PHF21A: variants seen among roughly 807,000 people sequenced by gnomAD.
The protein encoded by PHF21A is BHC80a.
In PHF21A, 11 loss-of-function variants were observed where a neutral mutation model predicts 82.5. The ratio of observed to expected loss-of-function variants is 0.13; its 90% CI spans 0.08 to 0.22. The LOEUF (loss-of-function observed/expected upper bound fraction) is 0.22, where lower values mean the gene tolerates loss of function less well. Ranked by LOEUF, PHF21A falls within the 10% of genes least tolerant of loss-of-function variation. The pLI is 1.00. For missense variants in PHF21A, 579 were observed against 837.8 expected (o/e 0.69, Z 3.81); for synonymous variants, 297 against 302.8 (o/e 0.98, Z 0.20).
intron 6 of PHF21A, among the ~76,000 whole-genome samples, chr11:46,001,739 C>T (rs1197898683): frequency 2.0e-5 from 3 of 152,068 alleles, no homozygotes; most frequent in Non-Finnish European, 4.4e-5. Context: ...CAATAAGAAA[C>T]CTTTCTGTTC....
At chr11:46,084,916 G>A (rs925281834) in intron 3 of PHF21A, among the ~76,000 whole-genome samples, 7 of 151,940 alleles carry the variant, frequency 4.6e-5, no homozygotes, top group East Asian at 1.9e-4. Context: ...TCCTGACCTC[G>A]TGATCCACCC....
At chr11:45,970,794 T>TG (rs1361331329) in intron 8 of PHF21A, 1 of 279,900 alleles carries the variant, frequency 3.6e-6, no homozygotes, top group African/African-American at 2.1e-5. Flanking sequence ...AGGAAAACAC[T>TG]GTAGAGAGAG....
intron 14 of PHF21A, among the ~76,000 whole-genome samples, chr11:45,948,655 CCT>C (rs1341102265): frequency 1.3e-5 from 2 of 152,220 alleles, no homozygotes; most frequent in South Asian, 4.1e-4. Context: ...AAGCCATTCC[CCT>C]GAGTCAGCTT....
chr11:46,045,422 G>A lies in PHF21A; in HGVS notation c.153+31332C>T, dbSNP rs536673336. On this transcript the variant is annotated intron_variant, in intron 6 of 18. Coordinates refer to ENST00000676320, the MANE Select transcript of PHF21A (RefSeq NM_001352027.3). ...TTGCTGAGGGGAGTTGGGAAAGGTAGAGAAAGAACAGAGAGGTTGTCTGAT... is the reference window on the plus strand; with the variant it reads ...TTGCTGAGGGGAGTTGGGAAAGGTAAAGAAAGAACAGAGAGGTTGTCTGAT... 1.2e-3 allele frequency among the ~76,000 whole-genome samples: 189 copies of A among 152,276 alleles called. 1 individual carries two copies. Among genetic ancestry groups the A allele is most frequent in the African/African-American group, 4.2e-3 (176 of 41,550 alleles).
intron 6 of PHF21A, among the ~76,000 whole-genome samples, chr11:46,017,090 C>A (rs938278476): frequency 2.6e-5 from 4 of 152,080 alleles, no homozygotes; most frequent in African/African-American, 9.7e-5. Context: ...CCTGCCTCAG[C>A]CTCCTGAGTT....
At chr11:46,062,331 T>G (rs746251313) in intron 6 of PHF21A, among the ~76,000 whole-genome samples, 4 of 152,170 alleles carry the variant, frequency 2.6e-5, no homozygotes, top group Admixed American at 1.3e-4. Flanking sequence ...GAACTTTTAT[T>G]AGCCAGGCAT....
chr11:46,094,847 C>T (rs1436464467), intron 1 of PHF21A, among the ~76,000 whole-genome samples: 1 of 152,150 alleles, frequency 6.6e-6, no homozygotes, highest in Admixed American at 6.6e-5. Context: ...CTGCAGTGAA[C>T]TGAGATCGCG....
At chr11:46,106,827 G>A (rs1265976242) in intron 1 of PHF21A, among the ~76,000 whole-genome samples, 2 of 152,168 alleles carry the variant, frequency 1.3e-5, no homozygotes, top group Non-Finnish European at 2.9e-5. Context: ...TTTCCCTTTT[G>A]GTCAACTCTG....
chr11:45,991,269 C>G (rs1229405967), intron 6 of PHF21A, among the ~76,000 whole-genome samples: 1 of 151,224 alleles, frequency 6.6e-6, no homozygotes. Context: ...ACAGTAGTAC[C>G]TTGATTTTTT....
At chr11:45,943,798 CCAA>C (rs1200901645) in intron 15 of PHF21A, among the ~76,000 whole-genome samples, 1 of 152,114 alleles carries the variant, frequency 6.6e-6, no homozygotes. Context: ...GTTAACATCA[CCAA>C]CAACAGAAGA....
Position 46,050,654 on chromosome 11 carries a change from A to G in PHF21A, c.153+26100T>C, listed in dbSNP as rs140667299. On this transcript the variant is annotated intron_variant, in intron 6 of 18. Coordinates refer to ENST00000676320, the MANE Select transcript of PHF21A (RefSeq NM_001352027.3). Reference sequence around the variant, plus strand: ...ACTATTAAGCACAATGTTCAAGAGCATAGTCCAAGATCCTGAAACTATAAT... The same window carrying G: ...ACTATTAAGCACAATGTTCAAGAGCGTAGTCCAAGATCCTGAAACTATAAT... Among the ~76,000 whole-genome samples, 31 of 152,368 alleles carry G rather than the reference A, an allele frequency of 2.0e-4. No individual in the cohort carries two copies. In the East Asian group the frequency reaches 6.0e-3, roughly 29 times the overall value.
intron 6 of PHF21A, among the ~76,000 whole-genome samples, chr11:45,998,148 G>A (rs925149080): frequency 3.3e-5 from 5 of 152,162 alleles, no homozygotes; most frequent in African/African-American, 7.2e-5. Context: ...CATTCTAGTC[G>A]TCTTTGTTTT....
intron 1 of PHF21A, among the ~76,000 whole-genome samples, chr11:46,098,477 T>TA (rs2097035523): frequency 6.6e-6 from 1 of 152,196 alleles, no homozygotes. Flanking sequence ...AACCATTTTT[T>TA]ATGGTTGAGA....
chr11:46,102,546 T>C (rs946913444), intron 1 of PHF21A, among the ~76,000 whole-genome samples: 3 of 152,240 alleles, frequency 2.0e-5, no homozygotes, highest in African/African-American at 7.2e-5. Context: ...TTCCATTTTT[T>C]AATTCTCCAA....
chr11:46,071,069 T>C (rs1353035808), intron 6 of PHF21A, among the ~76,000 whole-genome samples: 2 of 152,248 alleles, frequency 1.3e-5, no homozygotes, highest in African/African-American at 4.8e-5. Flanking sequence ...ATTACTGTTT[T>C]CAATTTCCAT....
intron 2 of PHF21A, among the ~76,000 whole-genome samples, chr11:46,091,963 G>A (rs1184390754): frequency 6.6e-6 from 1 of 152,166 alleles, no homozygotes; most frequent in African/African-American, 2.4e-5. Flanking sequence ...TTATCGAACG[G>A]TGGAACATGC....
intron 6 of PHF21A, among the ~76,000 whole-genome samples, chr11:46,068,978 A>C (rs1444998360): frequency 6.6e-6 from 1 of 152,202 alleles, no homozygotes; most frequent in Non-Finnish European, 1.5e-5. Flanking sequence ...TTTCTCAAAG[A>C]GATAGTAAAA....
chr11:46,015,669 CT>C (rs1447559741), intron 6 of PHF21A, among the ~76,000 whole-genome samples: 1 of 151,884 alleles, frequency 6.6e-6, no homozygotes, highest in Non-Finnish European at 1.5e-5. Flanking sequence ...TTTTTTGTAA[CT>C]TTTTAAGCAT....
chr11:46,091,629 C>T (rs12283184), intron 2 of PHF21A, among the ~76,000 whole-genome samples: 22,467 of 152,222 alleles, frequency 0.15, 3,481 homozygotes, highest in East Asian at 0.62. Context: ...CAAGTTTCCA[C>T]AGTTAAATTA....
Sources: gnomAD v4.1 joint callset for allele counts (sites outside exome capture counted in the v4.1 genomes callset) on GRCh38, gnomAD v4.1.1 for gene constraint, MANE v1.5 for transcripts, NCBI Gene and HGNC (gene_info 2026-07-23, HGNC 2026-07-21) for gene names.